The following VPS52 variants were observed in gnomAD, a reference collection of about 807,000 sequenced individuals.
VPS52 encodes the protein vacuolar protein sorting-associated protein 52 homolog.
Under a neutral mutation model 98.7 loss-of-function variants are expected in VPS52, and 56 were observed. The observed-to-expected ratio is 0.57, with a 90% CI of 0.46 to 0.71. The LOEUF (loss-of-function observed/expected upper bound fraction) is 0.71, where lower values mean the gene tolerates loss of function less well. Ranked by LOEUF, VPS52 falls within the 30% of genes least tolerant of loss-of-function variation. The probability of loss-of-function intolerance (pLI) is 0.00; values close to 1 mark genes in which losing one functional copy is unlikely to be tolerated. For missense variants in VPS52, 742 were observed against 925.9 expected (o/e 0.80, Z 2.58); for synonymous variants, 348 against 346.4 (o/e 1.00, Z -0.05).
In VPS52 at chr6:33,271,824, C is replaced by G. The variant is rs1765141400; in HGVS notation, c.-149G>C. On this transcript the variant is annotated 5_prime_UTR_variant, in exon 1 of 20. Coordinates refer to ENST00000445902, the MANE Select transcript of VPS52 (RefSeq NM_022553.6). ...TGACTCCAGCTGTCCCCTTTCAGCTCTAACCACTTCACCCAACTGCAAATG... is the reference window on the plus strand; with the variant it reads ...TGACTCCAGCTGTCCCCTTTCAGCTGTAACCACTTCACCCAACTGCAAATG... 3 of 1,429,190 alleles carry G rather than the reference C, an allele frequency of 2.1e-6. No homozygotes were observed. In the South Asian group the frequency reaches 4.4e-5, roughly 21 times the overall value. The allele number at this position is 1,429,190 out of a possible 1,614,324, so 88.5% of individuals were successfully genotyped here.
intron 19 of VPS52, among the ~76,000 whole-genome samples, chr6:33,251,188 G>A (rs1205035499): frequency 6.6e-6 from 1 of 151,816 alleles, no homozygotes; most frequent in Non-Finnish European, 1.5e-5. Flanking sequence ...CTACAAATAC[G>A]AAAATTAGCT....
intron 17 of VPS52, among the ~76,000 whole-genome samples, chr6:33,260,664 T>A (rs965293841): frequency 2.6e-5 from 4 of 151,966 alleles, no homozygotes; most frequent in Non-Finnish European, 5.9e-5. Flanking sequence ...TAAAGCTATA[T>A]ATATGCCAAA....
Position 33,271,828 on chromosome 6 carries a change from C to T in VPS52, c.-153G>A. On this transcript the variant is annotated 5_prime_UTR_variant, in exon 1 of 20. Transcript: ENST00000445902. ...TCCAGCTGTCCCCTTTCAGCTCTAA[C>T]CACTTCACCCAACTGCAAATGGAAA... 7.1e-7 allele frequency: 1 copy of T among 1,418,106 alleles called. No individual in the cohort carries two copies. Among genetic ancestry groups the T allele is most frequent in the Non-Finnish European group, 9.3e-7 (1 of 1,077,794 alleles). The allele number at this position is 1,418,106 out of a possible 1,614,324, so 87.8% of individuals were successfully genotyped here.
intron 19 of VPS52, among the ~76,000 whole-genome samples, chr6:33,251,296 T>C (rs961908074): frequency 6.6e-6 from 1 of 151,486 alleles, no homozygotes; most frequent in Non-Finnish European, 1.5e-5. Flanking sequence ...GAGCCGAGAC[T>C]GTGCCACTGC....
At chr6:33,252,588 C>CAAAAAA (rs9280379) in intron 17 of VPS52, among the ~76,000 whole-genome samples, 1 of 96,172 alleles carries the variant, frequency 1.0e-5, no homozygotes, top group Admixed American at 1.1e-4. Flanking sequence ...GACTCCGTCT[C>CAAAAAA]AAAAAAAAAA....
Position 33,271,624 on chromosome 6 carries a change from C to T in VPS52, c.52G>A (p.Ala18Thr), listed in dbSNP as rs1337075111. Reference protein sequence around the residue: ...AAAARELVLRAGTSDMEEEEG... With the variant: ...AAAARELVLRTGTSDMEEEEG... ...TCCTCCTCCATATCTGAGGTCCCAGCCCGCAACACCAGTTCCCGGGCCGCA... is the reference window on the plus strand; with the variant it reads ...TCCTCCTCCATATCTGAGGTCCCAGTCCGCAACACCAGTTCCCGGGCCGCA... The change falls in exon 1 of 20, where the codon GCT becomes ACT. Residue 18 changes from alanine to threonine, a missense_variant. This residue lies in a region of VPS52 where 152 missense variants were observed against 132.6 expected (regional missense o/e 1.15). Transcript: ENST00000445902. 1 of 1,612,122 alleles carries T rather than the reference C, an allele frequency of 6.2e-7. No homozygotes were observed. Among genetic ancestry groups the T allele is most frequent in the Non-Finnish European group, 8.5e-7 (1 of 1,179,182 alleles).
At position 33,267,218 on chromosome 6, in the gene VPS52, C is replaced by A; in HGVS notation, c.1095G>T (p.Val365=). Residue 365 remains valine, a synonymous_variant, in exon 11 of 20, where the codon GTG becomes GTT. Coordinates refer to ENST00000445902, the MANE Select transcript of VPS52 (RefSeq NM_022553.6). The surrounding 1 kb of genome is among the most constrained non-coding windows in gnomAD (Gnocchi z 4.2). ...SPTELEAPIL[V]PHTAQRGEQR... The stretch of plus-strand genomic sequence containing the variant: ...GCTCTCCGCGCTGCGCTGTGTGAGG[C>A]ACCAGGATGGGGGCCTCAAGTTCAG... 2 of 1,584,306 alleles carry A rather than the reference C, an allele frequency of 1.3e-6. No homozygotes were observed. The highest frequency in any genetic ancestry group is 1.7e-6 in the Non-Finnish European group (2 of 1,166,736).
intron 17 of VPS52, among the ~76,000 whole-genome samples, chr6:33,254,178 A>G (rs213217): frequency 0.61 from 92,343 of 151,860 alleles, 29,058 homozygotes; most frequent in African/African-American, 0.75. Flanking sequence ...GGGAGACTGA[A>G]GCAGAAGAAT....
At chr6:33,259,110 G>A (rs1763346117) in intron 17 of VPS52, among the ~76,000 whole-genome samples, 1 of 152,130 alleles carries the variant, frequency 6.6e-6, no homozygotes, top group Non-Finnish European at 1.5e-5. Context: ...CAGTTGCAAT[G>A]GCGGCCCTGA....
Position 33,250,955 on chromosome 6 carries a change from A to G in VPS52, c.2058T>C (p.His686=), listed in dbSNP as rs1037486834. ...GCTGGGACAGCACCCGGTGGAAGCG[A>G]TGATAGAGCTGGATCAGCTGGGTCA... ...GALTQLIQLY[H]RFHRVLSQPQ... is the part of the protein sequence containing the mutation. The change falls in exon 20 of 20, where the codon CAT becomes CAC. Residue 686 remains histidine (H), a synonymous_variant. Transcript: ENST00000445902. The G allele has an allele frequency of 1.1e-5, 17 of 1,612,946 alleles. No individual in the cohort carries two copies. Among genetic ancestry groups the G allele is most frequent in the Non-Finnish European group, 1.4e-5 (17 of 1,180,050 alleles).
chr6:33,251,730 C>A, intron 18 of VPS52, 94 bp from the exon 19 acceptor site: 1 of 1,403,386 alleles, frequency 7.1e-7, no homozygotes, highest in Non-Finnish European at 1.0e-6. Context: ...TATCATCAAA[C>A]CCTCTTTTCT....
chr6:33,267,187 C>T lies in VPS52; in HGVS notation c.1125+1G>A, dbSNP rs1322186454. 1 of 1,501,210 alleles carries T rather than the reference C, an allele frequency of 6.7e-7. No homozygotes were observed. The highest frequency in any genetic ancestry group is 2.3e-5 in the Admixed American group (1 of 43,474). 93.0% of individuals were successfully genotyped at this position (1,501,210 alleles called of 1,614,324 possible). ...TGACTGAAGCTTGTTCCTCCTCATA[C>T]CCTCTGCTCTCCGCGCTGCGCTGTG... On this transcript the variant is annotated splice_donor_variant, in intron 11 of 19. Transcript: ENST00000445902. LOFTEE classifies it high-confidence loss of function. This position sits in a 1 kb window ranked among gnomAD's most constrained non-coding sequence, Gnocchi z 4.2.
At chr6:33,257,115 G>A (rs1030233941) in intron 17 of VPS52, among the ~76,000 whole-genome samples, 18 of 151,740 alleles carry the variant, frequency 1.2e-4, no homozygotes, top group Non-Finnish European at 1.9e-4. Flanking sequence ...CTGCAGCCTC[G>A]ACCTCCCAGG....
chr6:33,271,906 T>G, upstream of VPS52: 1 of 1,094,376 alleles, frequency 9.1e-7, no homozygotes, highest in African/African-American at 1.6e-5. Context: ...TTCTCTTACC[T>G]ATGAACCTTA....
At chr6:33,269,928 CA>C in intron 3 of VPS52, 70 bp downstream of exon 3, 1 of 1,604,888 alleles carries the variant, frequency 6.2e-7, no homozygotes, top group South Asian at 1.1e-5. Flanking sequence ...ACAACAAAAG[CA>C]AGAGACTGTT....
intron 12 of VPS52, among the ~76,000 whole-genome samples, chr6:33,265,853 TG>T (rs1764241176): frequency 2.9e-5 from 2 of 68,546 alleles, no homozygotes; most frequent in African/African-American, 7.8e-5. Flanking sequence ...GGAGTAACAC[TG>T]TGACAAGTCT....
chr6:33,256,172 A>T (rs1455173042), intron 17 of VPS52, among the ~76,000 whole-genome samples: 2 of 152,192 alleles, frequency 1.3e-5, no homozygotes, highest in Non-Finnish European at 2.9e-5. Flanking sequence ...CTGAAAATTT[A>T]AAAAGGTTAT....
chr6:33,259,919 A>G (rs1763436178), intron 17 of VPS52, among the ~76,000 whole-genome samples: 1 of 152,182 alleles, frequency 6.6e-6, no homozygotes, highest in Non-Finnish European at 1.5e-5. Context: ...AATACTGCAT[A>G]TCTTATTAGC....
At position 33,256,914 on chromosome 6, in the gene VPS52, C is replaced by G. The variant is rs566590837; in HGVS notation, c.1795-4943G>C. The stretch of plus-strand genomic sequence containing the variant: ...TATAAATGGTTCTGGGCCAACCATC[C>G]ACATAAAAAAAAGAAATAGATCCCT... On this transcript the variant is annotated intron_variant, in intron 17 of 19. Transcript: ENST00000445902. 6.0e-5 allele frequency among the ~76,000 whole-genome samples: 9 copies of G among 150,934 alleles called. No homozygotes were observed. In the South Asian group the frequency reaches 1.9e-3, roughly 32 times the overall value.
Sources: allele counts gnomAD v4.1 joint callset (sites outside exome capture counted in the v4.1 genomes callset), GRCh38; gene constraint gnomAD v4.1.1; regional missense constraint gnomAD v4.1.1; non-coding constraint Gnocchi (gnomAD v3.1); transcripts MANE v1.5; gene names NCBI Gene and HGNC (gene_info 2026-07-23, HGNC 2026-07-21).